Variants in FAM135B observed in about 807,000 individuals in gnomAD.
FAM135B encodes the protein protein FAM135B.
A neutral mutation model predicts 127.7 loss-of-function variants in FAM135B; 43 were observed. The observed-to-expected ratio is 0.34, with a 90% confidence interval of 0.26 to 0.43. The LOEUF (loss-of-function observed/expected upper bound fraction) is 0.43, where lower values mean the gene tolerates loss of function less well. FAM135B is among the 20% of genes least tolerant of loss of function. The pLI, the probability that FAM135B is intolerant of heterozygous loss-of-function variation, is 1.00. For synonymous variants in FAM135B, 670 were observed against 665.1 expected, an observed-to-expected ratio of 1.01 and a Z score of -0.11; for missense variants, 1,558 against 1,725.6, an observed-to-expected ratio of 0.90 and a Z score of 1.72.
At chr8:138,428,777 A>G (rs1344159890) in intron 1 of FAM135B, among the ~76,000 whole-genome samples, 2 of 152,098 alleles carry the variant, frequency 1.3e-5, no homozygotes, top group East Asian at 3.9e-4. Context: ...TTCCTTTTAA[A>G]CTGCCCGTTA....
In FAM135B at chr8:138,242,599, T is replaced by A. The variant is rs1000388132; in HGVS notation, c.669+343A>T. On this transcript the variant is annotated intron_variant, in intron 7 of 19. Transcript: ENST00000395297. The surrounding 1 kb of genome is among the most constrained non-coding windows in gnomAD (Gnocchi z 9.6). ...GCACAAATGAAAGCGGGAGCCAGGT[T>A]TTGAAACCAGACATGGCCTTCAACG... Among the ~76,000 whole-genome samples the A allele has an allele frequency of 6.6e-6, 1 of 152,120 alleles. No individual in the cohort carries two copies. Among genetic ancestry groups the A allele is most frequent in the Non-Finnish European group, 1.5e-5 (1 of 68,026 alleles).
intron 3 of FAM135B, among the ~76,000 whole-genome samples, chr8:138,281,441 G>A (rs747542824): frequency 4.9e-5 from 7 of 141,936 alleles, no homozygotes; most frequent in Non-Finnish European, 9.1e-5. Context: ...TCCCAGATCT[G>A]ATTTCCGTCC....
At chr8:138,371,724 A>G (rs1458213671) in intron 1 of FAM135B, among the ~76,000 whole-genome samples, 1 of 152,166 alleles carries the variant, frequency 6.6e-6, no homozygotes. Context: ...AGCATGTACC[A>G]TACACACAAT....
chr8:138,400,749 C>T (rs999089948), intron 1 of FAM135B, among the ~76,000 whole-genome samples: 9 of 150,292 alleles, frequency 6.0e-5, no homozygotes, highest in African/African-American at 2.2e-4. Context: ...CACTGCCTCA[C>T]TCTACACGTA....
At chr8:138,362,729 A>G (rs1046427071) in intron 2 of FAM135B, among the ~76,000 whole-genome samples, 1 of 152,198 alleles carries the variant, frequency 6.6e-6, no homozygotes, top group Non-Finnish European at 1.5e-5. Flanking sequence ...TAATTGGGAT[A>G]CACATACCCT....
chr8:138,494,600 A>C (rs1424786187), intron 1 of FAM135B, among the ~76,000 whole-genome samples: 1 of 152,220 alleles, frequency 6.6e-6, no homozygotes, highest in East Asian at 1.9e-4. Flanking sequence ...CAGGGGCATA[A>C]AAGAGCAGAG....
At chr8:138,398,107 T>C (rs747997480) in intron 1 of FAM135B, among the ~76,000 whole-genome samples, 2 of 152,164 alleles carry the variant, frequency 1.3e-5, no homozygotes, top group Non-Finnish European at 2.9e-5. Flanking sequence ...TCCTGGCTCG[T>C]CTGTTCAAAG....
rs1834833560 is a variant in FAM135B at position 138,425,996 on chromosome 8, T to TATATATATAC, written c.-19-57995_-19-57994insGTATATATAT. Among the ~76,000 whole-genome samples the TATATATATAC allele has an allele frequency of 8.6e-4, 14 of 16,306 alleles. No individual in the cohort carries two copies. The African/African-American group carries it at 8.7e-3, about 10-fold the overall frequency. The allele number at this position is 16,306 out of a possible 152,430, so 10.7% of individuals were successfully genotyped here. On this transcript the variant is annotated intron_variant, in intron 1 of 19. Coordinates refer to ENST00000395297, the MANE Select transcript of FAM135B (RefSeq NM_015912.4). ...ATATATATATATATATATATATATA[T>TATATATATAC]ATATATATATATATATACACACACA...
intron 2 of FAM135B, among the ~76,000 whole-genome samples, chr8:138,325,826 T>G (rs1587098341): frequency 6.6e-6 from 1 of 152,314 alleles, no homozygotes; most frequent in South Asian, 2.1e-4. Flanking sequence ...TGAGCTTCAG[T>G]TTTCTCATTT....
intron 8 of FAM135B, among the ~76,000 whole-genome samples, chr8:138,196,281 G>C (rs535603428): frequency 6.6e-6 from 1 of 152,302 alleles, no homozygotes; most frequent in Admixed American, 6.5e-5. Context: ...ATTCTGTGCA[G>C]GTCATTCCTG....
At chr8:138,427,904 T>G (rs116028889) in intron 1 of FAM135B, among the ~76,000 whole-genome samples, 2,851 of 152,296 alleles carry the variant, frequency 0.019, 82 homozygotes, top group African/African-American at 0.064. Context: ...CCACCTGGTC[T>G]CAAGCCAGAT....
intron 12 of FAM135B, 141 bp downstream of exon 12, chr8:138,167,754 A>T: frequency 1.0e-6 from 1 of 977,000 alleles, no homozygotes; most frequent in Non-Finnish European, 1.5e-6. Context: ...TCAAACCATT[A>T]CTTTGTTTCC....
chr8:138,402,976 C>A (rs1321610607), intron 1 of FAM135B, among the ~76,000 whole-genome samples: 1 of 152,098 alleles, frequency 6.6e-6, no homozygotes, highest in African/African-American at 2.4e-5. Flanking sequence ...CTCTCTGCCA[C>A]GTGAGGACAC....
intron 3 of FAM135B, among the ~76,000 whole-genome samples, chr8:138,274,870 C>T (rs1823688481): frequency 6.6e-6 from 1 of 151,664 alleles, no homozygotes; most frequent in South Asian, 2.1e-4. Flanking sequence ...TGAACAATTG[C>T]TATTATCCTG....
At chr8:138,206,244 C>T (rs1439291979) in intron 7 of FAM135B, among the ~76,000 whole-genome samples, 55 of 149,956 alleles carry the variant, frequency 3.7e-4, no homozygotes, top group East Asian at 1.0e-3. Flanking sequence ...GCTCTCTCAT[C>T]CCCTCCACCT....
intron 1 of FAM135B, among the ~76,000 whole-genome samples, chr8:138,368,664 TG>T (rs1221709792): frequency 6.6e-6 from 1 of 152,178 alleles, no homozygotes; most frequent in Non-Finnish European, 1.5e-5. Flanking sequence ...GCCAGGTAGA[TG>T]TTTAACCCAA....
chr8:138,262,123 G>A (rs1031868597), intron 4 of FAM135B, among the ~76,000 whole-genome samples: 6 of 152,200 alleles, frequency 3.9e-5, no homozygotes, highest in African/African-American at 1.2e-4. Context: ...AACATGTAAT[G>A]TGAAATAGAC....
intron 2 of FAM135B, among the ~76,000 whole-genome samples, chr8:138,329,536 C>T (rs1336781045): frequency 6.6e-6 from 1 of 152,186 alleles, no homozygotes; most frequent in African/African-American, 2.4e-5. Flanking sequence ...CCCTTGGCTC[C>T]ATTTGACTAG....
At chr8:138,183,973 G>C (rs977006953) in intron 9 of FAM135B, among the ~76,000 whole-genome samples, 5 of 152,300 alleles carry the variant, frequency 3.3e-5, no homozygotes, top group South Asian at 4.1e-4. Flanking sequence ...CAGTGGAGCA[G>C]GAACAAAGTA....
Sources: gnomAD v4.1 joint callset for allele counts (sites outside exome capture counted in the v4.1 genomes callset) on GRCh38, gnomAD v4.1.1 for gene constraint, Gnocchi (gnomAD v3.1) non-coding constraint, MANE v1.5 for transcripts, NCBI Gene and HGNC (gene_info 2026-07-23, HGNC 2026-07-21) for gene names.